SLC36A3: variants seen among roughly 807,000 people sequenced by gnomAD.
SLC36A3 encodes proton-coupled amino acid transporter 3.
A neutral mutation model predicts 44.3 loss-of-function variants in SLC36A3; 35 were observed. That is an observed-to-expected ratio of 0.79 (90% CI 0.60 to 1.05). SLC36A3 has a LOEUF of 1.05. SLC36A3 is among the 50% of genes least tolerant of loss of function. SLC36A3 has a pLI of 0.00. For synonymous variants in SLC36A3, 211 were observed against 227.6 expected, an observed-to-expected ratio of 0.93 and a Z score of 0.66; for missense variants, 540 against 578.7, an observed-to-expected ratio of 0.93 and a Z score of 0.69.
chr5:151,284,732 CA>C (rs1754469594), intron 6 of SLC36A3, 21 bp from the exon 7 acceptor site: 1 of 1,589,632 alleles, frequency 6.3e-7, no homozygotes, highest in African/African-American at 1.3e-5. Flanking sequence ...GTGGGAGAAG[CA>C]CATTGGTGTT....
In SLC36A3 at chr5:151,276,730, C is replaced by G. The variant is rs1377256947; in HGVS notation, c.*663G>C. 6.6e-6 allele frequency: 1 copy of G among 152,432 alleles called. No individual in the cohort carries two copies. The highest frequency in any genetic ancestry group is 2.4e-5 in the African/African-American group (1 of 41,470). 9.4% of individuals were successfully genotyped at this position (152,432 alleles called of 1,614,324 possible). The stretch of plus-strand genomic sequence containing the variant: ...AGGGTATGGAGTTTCAGTTACTCCA[C>G]CTCCTCACCAACACTAGCATGGCCA... On this transcript the variant is annotated 3_prime_UTR_variant, in exon 10 of 10. Coordinates refer to ENST00000335230, the MANE Select transcript of SLC36A3 (RefSeq NM_181774.4).
chr5:151,281,011 C>T lies in SLC36A3; in HGVS notation c.1144+3G>A. The T allele has an allele frequency of 6.2e-7, 1 of 1,613,998 alleles. No homozygotes were observed. Among genetic ancestry groups the T allele is most frequent in the Non-Finnish European group, 8.5e-7 (1 of 1,179,962 alleles). On this transcript the variant is annotated splice_donor_region_variant and intron_variant, in intron 9 of 9. Coordinates refer to ENST00000335230, the MANE Select transcript of SLC36A3 (RefSeq NM_181774.4). ...GTAAAGAGTGCCCTTTTATGCTACT[C>T]ACAGGTTAGACAGACCAAGGCTGAG... is the stretch of plus-strand genomic sequence containing the variant.
chr5:151,284,277 G>T, intron 7 of SLC36A3, 67 bp from the exon 8 acceptor site: 2 of 1,396,770 alleles, frequency 1.4e-6, no homozygotes, highest in Admixed American at 2.1e-5. Context: ...TGAAGGAGAG[G>T]GTTCCCGTAC....
Position 151,277,337 on chromosome 5 carries a change from T to C in SLC36A3, c.*56A>G, listed in dbSNP as rs1754124764. 6.3e-7 allele frequency: 1 copy of C among 1,596,416 alleles called. No individual in the cohort carries two copies. Among genetic ancestry groups the C allele is most frequent in the Non-Finnish European group, 8.6e-7 (1 of 1,167,402 alleles). On this transcript the variant is annotated 3_prime_UTR_variant, in exon 10 of 10. Transcript: ENST00000335230. ...TTGATGAAGGTATATAACATCCACATGGAAGTCAAACTGGGGATGGGAGGA... is the reference window on the plus strand; with the variant it reads ...TTGATGAAGGTATATAACATCCACACGGAAGTCAAACTGGGGATGGGAGGA...
chr5:151,297,281 G>A (rs569393317), intron 2 of SLC36A3: 1 of 152,300 alleles, frequency 6.6e-6, no homozygotes, highest in Admixed American at 6.5e-5. Flanking sequence ...AAGAATAAAA[G>A]CATTGTCTTA....
intron 1 of SLC36A3, among the ~76,000 whole-genome samples, chr5:151,299,264 C>CTCTATA (rs1372309288): frequency 7.5e-4 from 45 of 59,642 alleles, no homozygotes; most frequent in South Asian, 2.3e-3. Flanking sequence ...CTCTCTCTCT[C>CTCTATA]TATATATATA....
chr5:151,292,292 T>C (rs1015905935), intron 4 of SLC36A3, among the ~76,000 whole-genome samples: 3 of 152,192 alleles, frequency 2.0e-5, no homozygotes, highest in Non-Finnish European at 4.4e-5. Context: ...TTAGAGTGGC[T>C]CCTGATCAGG....
At chr5:151,282,835 C>T (rs1000856262) in intron 8 of SLC36A3, among the ~76,000 whole-genome samples, 1 of 151,896 alleles carries the variant, frequency 6.6e-6, no homozygotes, top group African/African-American at 2.4e-5. Context: ...GCATCTTTGC[C>T]CTTGTATTTA....
intron 4 of SLC36A3, among the ~76,000 whole-genome samples, chr5:151,288,723 G>A (rs1754640413): frequency 6.6e-6 from 1 of 150,816 alleles, no homozygotes; most frequent in Non-Finnish European, 1.5e-5. Context: ...TAATATATAT[G>A]TATATATAGA....
intron 2 of SLC36A3, chr5:151,297,073 C>T (rs527594409): frequency 1.8e-4 from 27 of 152,302 alleles, no homozygotes; most frequent in African/African-American, 5.3e-4. Flanking sequence ...ATCAAGAGCA[C>T]CACTAGACTC....
intron 8 of SLC36A3, among the ~76,000 whole-genome samples, chr5:151,282,430 A>C (rs1017725226): frequency 1.3e-5 from 2 of 152,080 alleles, no homozygotes; most frequent in South Asian, 4.1e-4. Flanking sequence ...GGCCTCCCAA[A>C]GTGCCGGGAT....
chr5:151,299,181 C>T (rs1755064563), intron 1 of SLC36A3, among the ~76,000 whole-genome samples: 1 of 147,712 alleles, frequency 6.8e-6, no homozygotes, highest in Non-Finnish European at 1.5e-5. Context: ...CTCCTTCATC[C>T]ATTTGTTCAA....
intron 1 of SLC36A3, among the ~76,000 whole-genome samples, chr5:151,302,819 G>C (rs1755208145): frequency 6.6e-6 from 1 of 152,112 alleles, no homozygotes; most frequent in African/African-American, 2.4e-5. Context: ...GAGACATGGG[G>C]TTAGCACCTT....
In SLC36A3 at chr5:151,281,169, A is replaced by G. The variant is rs568428519; in HGVS notation, c.989T>C (p.Val330Ala). 6.2e-7 allele frequency: 1 copy of G among 1,610,532 alleles called. No individual in the cohort carries two copies. The highest frequency in any genetic ancestry group is 1.1e-5 in the South Asian group (1 of 90,328). ...NLPNCWLYQS[V>A]KLMYSIGIFF... is the part of the protein sequence containing the mutation. The stretch of plus-strand genomic sequence containing the variant: ...GATGCCGATAGAGTACATCAGCTTG[A>G]CTGACTGGTACAACCTGCAGACACA... The change falls in exon 9 of 10, where the codon GTC (valine) becomes GCC (alanine). Residue 330 changes from valine (V) to alanine (A), a missense_variant. Coordinates refer to ENST00000335230, the MANE Select transcript of SLC36A3 (RefSeq NM_181774.4).
chr5:151,278,814 A>T (rs921237202), intron 9 of SLC36A3, among the ~76,000 whole-genome samples: 1 of 152,242 alleles, frequency 6.6e-6, no homozygotes. Context: ...TAAGCCGCTT[A>T]TAGAGAAAAC....
chr5:151,285,515 T>C (rs1317415806), intron 6 of SLC36A3, among the ~76,000 whole-genome samples: 2 of 152,200 alleles, frequency 1.3e-5, no homozygotes, highest in Non-Finnish European at 2.9e-5. Flanking sequence ...GTATAGCAGC[T>C]CTCATGAATC....
At chr5:151,289,534 G>A (rs546599338) in intron 4 of SLC36A3, among the ~76,000 whole-genome samples, 1 of 152,052 alleles carries the variant, frequency 6.6e-6, no homozygotes, top group South Asian at 2.1e-4. Flanking sequence ...TGTAAGAGAT[G>A]ATGATGGTAT....
chr5:151,297,476 C>T (rs1197577812), intron 2 of SLC36A3: 1 of 152,084 alleles, frequency 6.6e-6, no homozygotes. Context: ...ACTTACCAGG[C>T]CTGGAGATAA....
intron 1 of SLC36A3, among the ~76,000 whole-genome samples, chr5:151,300,386 A>G (rs748762071): frequency 6.6e-5 from 10 of 152,110 alleles, no homozygotes; most frequent in South Asian, 2.1e-4. Flanking sequence ...TATTGACCTA[A>G]CTTCTGTTAG....
Sources: allele counts gnomAD v4.1 joint callset (sites outside exome capture counted in the v4.1 genomes callset), GRCh38; gene constraint gnomAD v4.1.1; transcripts MANE v1.5; gene names NCBI Gene and HGNC (gene_info 2026-07-23, HGNC 2026-07-21).